KCNU1: variants seen among roughly 807,000 people sequenced by gnomAD.
KCNU1 encodes potassium channel subfamily U member 1.
A neutral mutation model predicts 126.8 loss-of-function variants in KCNU1; 93 were observed. The ratio of observed to expected loss-of-function variants is 0.73; its 90% CI spans 0.62 to 0.87. The LOEUF is 0.87. Among genes scored for constraint, KCNU1 ranks in the 40% least tolerant of loss-of-function variants. The pLI is 0.00. For synonymous variants in KCNU1, 523 were observed against 494.2 expected (o/e 1.06, Z -0.77); for missense variants, 1,330 against 1,367.1 (o/e 0.97, Z 0.43).
intron 19 of KCNU1, among the ~76,000 whole-genome samples, chr8:36,881,042 G>A (rs1320425032): frequency 6.6e-6 from 1 of 152,060 alleles, no homozygotes; most frequent in Non-Finnish European, 1.5e-5. Flanking sequence ...GCATCTCACA[G>A]AGGAGGGAGG....
intron 19 of KCNU1, chr8:36,888,495 A>G (rs764671877): frequency 3.9e-6 from 2 of 518,286 alleles, no homozygotes; most frequent in African/African-American, 1.9e-5. Flanking sequence ...ATCTTCCAGG[A>G]CCTCATCAGC....
At chr8:36,836,432 T>A in intron 13 of KCNU1, 67 bp downstream of exon 13, 1 of 1,102,672 alleles carries the variant, frequency 9.1e-7, no homozygotes. Flanking sequence ...ACTTTTTAAT[T>A]TTCTAATGGA....
intron 23 of KCNU1, 84 bp from the exon 24 acceptor site, chr8:36,922,406 G>A (rs891759084): frequency 1.4e-6 from 2 of 1,397,282 alleles, no homozygotes; most frequent in African/African-American, 2.9e-5. Flanking sequence ...TGATCAAGTG[G>A]TCGCCCCTTG....
intron 9 of KCNU1, among the ~76,000 whole-genome samples, chr8:36,816,119 C>G (rs981590809): frequency 6.6e-6 from 1 of 151,988 alleles, no homozygotes; most frequent in African/African-American, 2.4e-5. Flanking sequence ...GTTCAGTTGT[C>G]TTAGCCAAAG....
rs912900440 is a variant in KCNU1 at position 36,923,843 on chromosome 8, C to T, written c.2736+1214C>T. Among the ~76,000 whole-genome samples the T allele has an allele frequency of 7.2e-5, 11 of 152,074 alleles. No homozygotes were observed. In the East Asian group the frequency reaches 7.7e-4, roughly 11 times the overall value. ...ATGAAGAAGGAGAGGAGGTTGCTTA[C>T]GAAAGGTTTAAGGAAGCAATAACAT... is the stretch of plus-strand genomic sequence containing the variant. On this transcript the variant is annotated intron_variant, in intron 24 of 26. Coordinates refer to ENST00000399881, the MANE Select transcript of KCNU1 (RefSeq NM_001031836.3).
At chr8:36,793,217 G>T (rs567691840) in intron 2 of KCNU1, among the ~76,000 whole-genome samples, 2 of 142,350 alleles carry the variant, frequency 1.4e-5, no homozygotes, top group African/African-American at 2.6e-5. Context: ...GATAGGGGGA[G>T]GGGGGAGGGA....
intron 19 of KCNU1, chr8:36,888,740 T>G (rs750497446): frequency 3.7e-6 from 2 of 534,388 alleles, no homozygotes; most frequent in Non-Finnish European, 7.7e-6. Context: ...AAAAGAAGCC[T>G]ACAAGAAGTA....
chr8:36,935,878 G>A lies in KCNU1; in HGVS notation c.3408G>A (p.Glu1136=). The A allele has an allele frequency of 6.2e-7, 1 of 1,608,606 alleles. No homozygotes were observed. Among genetic ancestry groups the A allele is most frequent in the South Asian group, 1.1e-5 (1 of 90,198 alleles). Residue 1136 remains glutamate, a synonymous_variant, in exon 27 of 27, where the codon GAG becomes GAA. Transcript: ENST00000399881. ...AAAATGAAAGGAAAACTTCAGATGA[G>A]GTTTATGATGAGGATCCCTTTGCAT... ...AKENERKTSD[E]VYDEDPFAYS...
intron 10 of KCNU1, among the ~76,000 whole-genome samples, chr8:36,830,048 A>G (rs965366038): frequency 7.0e-4 from 105 of 149,468 alleles, no homozygotes; most frequent in Non-Finnish European, 1.3e-3. Context: ...TTGTGTAGTT[A>G]TAATTATTTA....
chr8:36,928,620 T>C (rs559585397), intron 24 of KCNU1, among the ~76,000 whole-genome samples: 1 of 152,184 alleles, frequency 6.6e-6, no homozygotes, highest in Non-Finnish European at 1.5e-5. Flanking sequence ...TAGATTATAT[T>C]ATTTCTTGTC....
At chr8:36,804,333 C>A (rs746571514) in intron 3 of KCNU1, among the ~76,000 whole-genome samples, 1 of 152,136 alleles carries the variant, frequency 6.6e-6, no homozygotes, top group Non-Finnish European at 1.5e-5. Flanking sequence ...GGTCTGCAAC[C>A]CCCACCCGAG....
intron 24 of KCNU1, among the ~76,000 whole-genome samples, chr8:36,924,201 C>T (rs1808459627): frequency 6.6e-6 from 1 of 152,174 alleles, no homozygotes; most frequent in South Asian, 2.1e-4. Flanking sequence ...CCCACTGCCT[C>T]CCACACTCCT....
intron 5 of KCNU1, 29 bp from the exon 6 acceptor site, chr8:36,807,346 G>T (rs1475322463): frequency 1.9e-6 from 3 of 1,566,778 alleles, no homozygotes; most frequent in Non-Finnish European, 2.6e-6. Context: ...TCTGATTTTG[G>T]CAGCTTTCTC....
intron 24 of KCNU1, among the ~76,000 whole-genome samples, chr8:36,930,020 A>C (rs183890147): frequency 1.1e-3 from 165 of 152,278 alleles, no homozygotes; most frequent in Middle Eastern, 3.4e-3. Flanking sequence ...AATGAATAAC[A>C]ATTGAAGTTA....
At chr8:36,876,315 C>A (rs961916114) in intron 19 of KCNU1, among the ~76,000 whole-genome samples, 2 of 152,212 alleles carry the variant, frequency 1.3e-5, no homozygotes, top group African/African-American at 4.8e-5. Flanking sequence ...TGGGTGAATG[C>A]GTTAAAAAAG....
Position 36,886,509 on chromosome 8 carries a change from G to T in KCNU1, c.2010-19199G>T, listed in dbSNP as rs146239503. ...TGCCTCCAGAAAAAAACAGAAACAG[G>T]AATTTCAAAGGAGAAGGGGTTGAGG... On this transcript the variant is annotated intron_variant, in intron 19 of 26. Transcript: ENST00000399881. Among the ~76,000 whole-genome samples the T allele has an allele frequency of 9.2e-3, 1,398 of 152,254 alleles. 17 individuals are homozygous for T. Among genetic ancestry groups the T allele is most frequent in the Non-Finnish European group, 0.014 (959 of 68,028 alleles).
intron 18 of KCNU1, among the ~76,000 whole-genome samples, chr8:36,861,509 G>A (rs565938189): frequency 1.3e-4 from 20 of 152,250 alleles, no homozygotes; most frequent in East Asian, 7.7e-4. Flanking sequence ...ATAGATAGGC[G>A]ACTGTTACCC....
At chr8:36,927,047 C>CT (rs1808557191) in intron 24 of KCNU1, among the ~76,000 whole-genome samples, 1 of 152,204 alleles carries the variant, frequency 6.6e-6, no homozygotes, top group Admixed American at 6.5e-5. Flanking sequence ...GCTCTTCCAC[C>CT]TTTCTCTCTC....
rs529256720 is a variant in KCNU1 at position 36,908,181 on chromosome 8, A to G, written c.2107-1130A>G. On this transcript the variant is annotated intron_variant, in intron 20 of 26. Coordinates refer to ENST00000399881, the MANE Select transcript of KCNU1 (RefSeq NM_001031836.3). Reference sequence around the variant, plus strand: ...GAAAGAAACCACACATAGGCTTACAATAAGTTTCCCACAGGAATATCATTC... The same window carrying G: ...GAAAGAAACCACACATAGGCTTACAGTAAGTTTCCCACAGGAATATCATTC... Among the ~76,000 whole-genome samples, 11 of 152,300 alleles carry G rather than the reference A, an allele frequency of 7.2e-5. No individual in the cohort carries two copies. The East Asian group carries it at 1.5e-3, about 21-fold the overall frequency.
Sources: gnomAD v4.1 joint callset for allele counts (sites outside exome capture counted in the v4.1 genomes callset) on GRCh38, gnomAD v4.1.1 for gene constraint, MANE v1.5 for transcripts, NCBI Gene and HGNC (gene_info 2026-07-23, HGNC 2026-07-21) for gene names.